ROBO1: variants seen among roughly 807,000 people sequenced by gnomAD.
ROBO1 encodes roundabout homolog 1.
In ROBO1, 149 loss-of-function variants were observed where a neutral mutation model predicts 195.9. That is an observed-to-expected ratio of 0.76 (90% CI 0.67 to 0.87). The LOEUF (loss-of-function observed/expected upper bound fraction) is 0.87, where lower values mean the gene tolerates loss of function less well. Among genes scored for constraint, ROBO1 ranks in the 40% least tolerant of loss-of-function variants. The pLI, the probability that ROBO1 is intolerant of heterozygous loss-of-function variation, is 0.00. For synonymous variants in ROBO1, 816 were observed against 733.2 expected, an observed-to-expected ratio of 1.11 and a Z score of -1.82; for missense variants, 1,933 against 2,068.3, an observed-to-expected ratio of 0.93 and a Z score of 1.27.
At chr3:79,760,253 A>AAAAAAAAAAAAAAAAAAC (rs1704620450) in intron 1 of ROBO1, among the ~76,000 whole-genome samples, 1 of 144,730 alleles carries the variant, frequency 6.9e-6, no homozygotes, top group African/African-American at 2.5e-5. Context: ...AAAAAAAAAA[A>AAAAAAAAAAAAAAAAAAC]AAAAAAAAAA....
intron 4 of ROBO1, among the ~76,000 whole-genome samples, chr3:78,830,445 A>C (rs2032062754): frequency 6.6e-6 from 1 of 152,206 alleles, no homozygotes; most frequent in East Asian, 1.9e-4. Context: ...TGTAAGGAAA[A>C]GAGGTTTAAT....
chr3:79,522,949 C>G (rs1941269720), intron 2 of ROBO1, among the ~76,000 whole-genome samples: 1 of 152,118 alleles, frequency 6.6e-6, no homozygotes, highest in Non-Finnish European at 1.5e-5. Flanking sequence ...GACTATTTCT[C>G]TTAAGGTAAT....
chr3:78,868,981 G>C (rs965469439), intron 4 of ROBO1, among the ~76,000 whole-genome samples: 4 of 151,978 alleles, frequency 2.6e-5, no homozygotes, highest in Non-Finnish European at 5.9e-5. Flanking sequence ...TAAACATATT[G>C]ATCAATAAGG....
chr3:79,052,758 A>G (rs571982774), intron 3 of ROBO1, among the ~76,000 whole-genome samples: 1 of 152,040 alleles, frequency 6.6e-6, no homozygotes, highest in Non-Finnish European at 1.5e-5. Context: ...TGGCACCCAC[A>G]TGGTCTTTCT....
At chr3:79,342,809 A>G (rs775631929) in intron 2 of ROBO1, among the ~76,000 whole-genome samples, 1 of 152,186 alleles carries the variant, frequency 6.6e-6, no homozygotes, top group Admixed American at 6.5e-5. Context: ...AACATCCCTT[A>G]TCAGAGTAAA....
intron 3 of ROBO1, among the ~76,000 whole-genome samples, chr3:78,978,737 G>T (rs770393495): frequency 1.3e-5 from 2 of 152,090 alleles, no homozygotes; most frequent in Non-Finnish European, 2.9e-5. Context: ...GAAGTAAAGG[G>T]CCAGATGATC....
At chr3:79,326,785 T>A (rs1465880695) in intron 2 of ROBO1, among the ~76,000 whole-genome samples, 1 of 152,200 alleles carries the variant, frequency 6.6e-6, no homozygotes, top group African/African-American at 2.4e-5. Context: ...TTGTCTTTTT[T>A]AAGATTATTG....
intron 3 of ROBO1, among the ~76,000 whole-genome samples, chr3:78,944,674 T>C (rs1002736304): frequency 5.3e-5 from 8 of 152,194 alleles, no homozygotes; most frequent in African/African-American, 1.4e-4. Context: ...TGCAGGACAG[T>C]GGGTGCAGCG....
chr3:78,961,298 A>G (rs573706915), intron 3 of ROBO1, among the ~76,000 whole-genome samples: 2 of 152,190 alleles, frequency 1.3e-5, no homozygotes, highest in Non-Finnish European at 2.9e-5. Context: ...TTTATGGAAC[A>G]TAAGATGCAA....
intron 3 of ROBO1, among the ~76,000 whole-genome samples, chr3:78,948,472 T>C (rs149977324): frequency 1.8e-4 from 28 of 152,272 alleles, no homozygotes; most frequent in African/African-American, 6.0e-4. Context: ...CAACTCTTCA[T>C]GCTAAAAGCT....
chr3:79,248,070 T>C (rs1037026825), intron 2 of ROBO1, among the ~76,000 whole-genome samples: 2 of 152,164 alleles, frequency 1.3e-5, no homozygotes, highest in Non-Finnish European at 2.9e-5. Context: ...ATCTGTGTTC[T>C]ACTGCAGTTA....
At chr3:79,138,720 ATAG>A (rs2080464313) in intron 2 of ROBO1, among the ~76,000 whole-genome samples, 1 of 151,996 alleles carries the variant, frequency 6.6e-6, no homozygotes. Flanking sequence ...GAAAAAAATT[ATAG>A]TATGAATAAA....
chr3:79,652,166 T>C (rs1157216841), intron 1 of ROBO1, among the ~76,000 whole-genome samples: 1 of 152,166 alleles, frequency 6.6e-6, no homozygotes, highest in Non-Finnish European at 1.5e-5. Context: ...TTATTTGCAC[T>C]GACTAGATCA....
At chr3:78,662,724 G>C (rs1707501147) in intron 14 of ROBO1, among the ~76,000 whole-genome samples, 1 of 152,012 alleles carries the variant, frequency 6.6e-6, no homozygotes, top group Non-Finnish European at 1.5e-5. Flanking sequence ...AGACTCATGA[G>C]AAAAAAGTAC....
chr3:79,716,991 A>G (rs1251662501), intron 1 of ROBO1, among the ~76,000 whole-genome samples: 1 of 151,966 alleles, frequency 6.6e-6, no homozygotes, highest in African/African-American at 2.4e-5. Flanking sequence ...AAAATTTTGA[A>G]CTGTATTCTG....
intron 4 of ROBO1, among the ~76,000 whole-genome samples, chr3:78,750,309 C>T (rs1031818342): frequency 4.6e-5 from 7 of 151,510 alleles, no homozygotes; most frequent in African/African-American, 9.7e-5. Flanking sequence ...AAAAATTAGC[C>T]GGGCTTGGTG....
chr3:79,736,240 A>G (rs1703382732), intron 1 of ROBO1, among the ~76,000 whole-genome samples: 1 of 152,200 alleles, frequency 6.6e-6, no homozygotes, highest in African/African-American at 2.4e-5. Flanking sequence ...TGATGCATCC[A>G]AAGGATAGAG....
At chr3:78,884,841 ACTCTCTCT>A (rs139880326) in intron 4 of ROBO1, among the ~76,000 whole-genome samples, 1 of 141,866 alleles carries the variant, frequency 7.0e-6, no homozygotes, top group African/African-American at 2.6e-5. Flanking sequence ...GAAGAAATAG[ACTCTCTCT>A]CTCTCTCTCT....
chr3:78,880,117 T>C (rs1292895334), intron 4 of ROBO1, among the ~76,000 whole-genome samples: 4 of 152,170 alleles, frequency 2.6e-5, no homozygotes, highest in Admixed American at 6.6e-5. Context: ...TGAGTTCATA[T>C]AGAAAAGTCA....
Sources: gnomAD v4.1 joint callset for allele counts (sites outside exome capture counted in the v4.1 genomes callset) on GRCh38, gnomAD v4.1.1 for gene constraint, MANE v1.5 for transcripts, NCBI Gene and HGNC (gene_info 2026-07-23, HGNC 2026-07-21) for gene names.